SYNE1: variants seen among roughly 807,000 people sequenced by gnomAD.
SYNE1 encodes nesprin-1.
SYNE1 carries 616 observed loss-of-function variants against 1,111.0 expected under a neutral mutation model. The observed-to-expected ratio is 0.55, with a 90% CI of 0.52 to 0.59. The LOEUF is 0.59. Among genes scored for constraint, SYNE1 ranks in the 20% least tolerant of loss-of-function variants. The pLI, the probability that SYNE1 is intolerant of heterozygous loss-of-function variation, is 0.00. For synonymous variants in SYNE1, 3,855 were observed against 3,825.8 expected, an observed-to-expected ratio of 1.01 and a Z score of -0.28; for missense variants, 10,006 against 10,417.0, an observed-to-expected ratio of 0.96 and a Z score of 1.72.
chr6:152,579,699 A>G (rs115452468), intron 3 of SYNE1, among the ~76,000 whole-genome samples: 381 of 152,226 alleles, frequency 2.5e-3, no homozygotes, highest in African/African-American at 8.4e-3. Context: ...AGACCCTGGT[A>G]TCTATGTTAT....
intron 6 of SYNE1, 79 bp from the exon 7 acceptor site, chr6:152,511,182 A>G: frequency 8.0e-7 from 1 of 1,247,658 alleles, no homozygotes; most frequent in Non-Finnish European, 1.2e-6. Context: ...TTAGGCCTTT[A>G]GTAGACATCA....
intron 52 of SYNE1, 131 bp downstream of exon 52, chr6:152,391,146 A>G: frequency 7.3e-7 from 1 of 1,374,094 alleles, no homozygotes; most frequent in Non-Finnish European, 1.0e-6. Flanking sequence ...TTTTTTGCCC[A>G]ATTTCTCCAT....
At chr6:152,570,856 C>T (rs1564913741) in intron 3 of SYNE1, among the ~76,000 whole-genome samples, 1 of 152,122 alleles carries the variant, frequency 6.6e-6, no homozygotes, top group Non-Finnish European at 1.5e-5. Context: ...CAAAAAAACT[C>T]CTACTCACAG....
chr6:152,533,496 C>T (rs2099215957), intron 4 of SYNE1, among the ~76,000 whole-genome samples: 1 of 152,060 alleles, frequency 6.6e-6, no homozygotes, highest in Non-Finnish European at 1.5e-5. Flanking sequence ...CTCTTTTGCT[C>T]ACACTCAATA....
At chr6:152,299,496 G>A (rs928182112) in intron 93 of SYNE1, among the ~76,000 whole-genome samples, 9 of 152,262 alleles carry the variant, frequency 5.9e-5, no homozygotes, top group Admixed American at 2.0e-4. Flanking sequence ...GACTGTCAGG[G>A]CCTTGCAGGT....
At chr6:152,408,402 A>T (rs920056552) in intron 44 of SYNE1, among the ~76,000 whole-genome samples, 1 of 152,212 alleles carries the variant, frequency 6.6e-6, no homozygotes, top group Middle Eastern at 3.2e-3. Flanking sequence ...TTATAGCCTT[A>T]TTACTTAAAA....
intron 111 of SYNE1, among the ~76,000 whole-genome samples, 180 bp from the exon 112 acceptor site, chr6:152,234,143 C>T (rs943928097): frequency 1.3e-5 from 2 of 152,080 alleles, no homozygotes; most frequent in African/African-American, 4.8e-5. Context: ...ACTACGAAGC[C>T]CCGACTTGAG....
In SYNE1 at chr6:152,416,952, T is replaced by C; in HGVS notation, c.5485A>G (p.Lys1829Glu). 1 of 1,614,184 alleles carries C rather than the reference T, an allele frequency of 6.2e-7. No homozygotes were observed. The highest frequency in any genetic ancestry group is 8.5e-7 in the Non-Finnish European group (1 of 1,180,026). The change falls in exon 41 of 146, where the codon AAG becomes GAG. Residue 1829 changes from lysine (K) to glutamate (E), a missense_variant. Lys to Glu is a moderately conservative substitution (Grantham distance 56, BLOSUM62 1). Transcript: ENST00000367255. ...ELQSLQGHLAKLGSLGRAEDL... is the reference protein window; with the variant it reads ...ELQSLQGHLAELGSLGRAEDL... ...TCAGCACGGCCCAGAGAACCCAACT[T>C]TGCTAAGTGACCCTGCAGACTCTGC...
chr6:152,364,718 A>AAGGG, intron 63 of SYNE1, 129 bp downstream of exon 63: 1 of 1,042,280 alleles, frequency 9.6e-7, no homozygotes, highest in South Asian at 1.3e-5. Context: ...GGAAGGAAGG[A>AAGGG]AGGAAGGAAG....
chr6:152,373,331 G>A, intron 58 of SYNE1, 112 bp from the exon 59 acceptor site: 1 of 968,898 alleles, frequency 1.0e-6, no homozygotes, highest in Non-Finnish European at 1.5e-6. Flanking sequence ...TCAGGCTGGA[G>A]TGCAGTAGTG....
At chr6:152,456,858 G>T (rs1593098486) in intron 22 of SYNE1, 1 of 316,432 alleles carries the variant, frequency 3.2e-6, no homozygotes, top group South Asian at 2.5e-5. Context: ...TGGATATCCA[G>T]ATGCAAATAT....
chr6:152,606,828 A>C (rs187045527), intron 3 of SYNE1, among the ~76,000 whole-genome samples: 1 of 142,430 alleles, frequency 7.0e-6, no homozygotes, highest in Non-Finnish European at 1.5e-5. Flanking sequence ...TTTTTTTTAT[A>C]TATTTTTAGT....
At chr6:152,446,422 T>C (rs1046266867) in intron 29 of SYNE1, among the ~76,000 whole-genome samples, 4 of 152,248 alleles carry the variant, frequency 2.6e-5, no homozygotes, top group Non-Finnish European at 5.9e-5. Context: ...TATATAAAAA[T>C]TCTCACATAA....
chr6:152,130,706 G>A lies in SYNE1; in HGVS notation c.26153+14C>T. 6.2e-7 allele frequency: 1 copy of A among 1,614,028 alleles called. No homozygotes were observed. The highest frequency in any genetic ancestry group is 8.5e-7 in the Non-Finnish European group (1 of 1,179,896). ...GGGTTCTAGAACAGTGTGGAAACCA[G>A]GAGAAGGAGGTACCTGCTATGTGGA... On this transcript the variant is annotated intron_variant, in intron 145 of 145. Transcript: ENST00000367255.
intron 137 of SYNE1, chr6:152,144,516 T>A (rs957742669): frequency 6.6e-6 from 1 of 151,936 alleles, no homozygotes; most frequent in African/African-American, 2.4e-5. Flanking sequence ...GTCAAAGTCT[T>A]CGAACTACAC....
At chr6:152,616,576 A>G (rs2099651114) in intron 3 of SYNE1, among the ~76,000 whole-genome samples, 1 of 152,148 alleles carries the variant, frequency 6.6e-6, no homozygotes. Flanking sequence ...GCTCTGTCTC[A>G]AAACAAAACA....
At chr6:152,137,159 T>C (rs1240935937) in intron 140 of SYNE1, among the ~76,000 whole-genome samples, 1 of 152,126 alleles carries the variant, frequency 6.6e-6, no homozygotes, top group Non-Finnish European at 1.5e-5. Context: ...CTGCCACATA[T>C]TTCAGAATAG....
At position 152,465,303 on chromosome 6, in the gene SYNE1, T is replaced by C. The variant is rs972467458; in HGVS notation, c.1887A>G (p.Leu629=). The change falls in exon 18 of 146, where the codon CTA becomes CTG. Residue 629 remains leucine (L), a synonymous_variant. Transcript: ENST00000367255. The part of the protein sequence containing the change: ...GNTVASLQAW[L]EDAEKMLNQS... ...GATTGAGCATTTTTTCAGCATCCTCTAGCCAGGCTTGCAGACTAGCCACTG... is the reference window on the plus strand; with the variant it reads ...GATTGAGCATTTTTTCAGCATCCTCCAGCCAGGCTTGCAGACTAGCCACTG... 12 of 1,613,728 alleles carry C rather than the reference T, an allele frequency of 7.4e-6. No homozygotes were observed. In the Admixed American group the frequency reaches 1.7e-4, roughly 22 times the overall value.
chr6:152,378,967 C>T (rs2097344583), intron 56 of SYNE1, among the ~76,000 whole-genome samples: 1 of 152,184 alleles, frequency 6.6e-6, no homozygotes, highest in Non-Finnish European at 1.5e-5. Context: ...AATTCATCAA[C>T]AACTAAACAA....
Sources: allele counts gnomAD v4.1 joint callset (sites outside exome capture counted in the v4.1 genomes callset), GRCh38; gene constraint gnomAD v4.1.1; transcripts MANE v1.5; gene names NCBI Gene and HGNC (gene_info 2026-07-23, HGNC 2026-07-21).